The following FSTL5 variants were observed in gnomAD, a reference collection of about 807,000 sequenced individuals.
FSTL5 encodes the protein follistatin like 5.
Under a neutral mutation model 89.1 loss-of-function variants are expected in FSTL5, and 62 were observed. That is an observed-to-expected ratio of 0.70 (90% CI 0.57 to 0.86). FSTL5 has a LOEUF of 0.86. Among genes scored for constraint, FSTL5 ranks in the 40% least tolerant of loss-of-function variants. The pLI is 0.00. For missense variants in FSTL5, 1,057 were observed against 1,001.6 expected, an observed-to-expected ratio of 1.06 and a Z score of -0.75; for synonymous variants, 383 against 346.2, an observed-to-expected ratio of 1.11 and a Z score of -1.18.
intron 4 of FSTL5, among the ~76,000 whole-genome samples, chr4:161,854,881 A>G (rs971982073): frequency 5.3e-5 from 8 of 152,044 alleles, no homozygotes; most frequent in Non-Finnish European, 1.2e-4. Flanking sequence ...AGATTTTAAT[A>G]ATGTTAAAAA....
intron 2 of FSTL5, 85 bp from the exon 3 acceptor site, chr4:162,033,743 C>A: frequency 1.4e-6 from 1 of 707,828 alleles, no homozygotes; most frequent in Non-Finnish European, 2.3e-6. Flanking sequence ...ATAGAAGTAT[C>A]AAAATGATTT....
chr4:161,756,893 C>G (rs1455347867), intron 6 of FSTL5, among the ~76,000 whole-genome samples: 1 of 152,082 alleles, frequency 6.6e-6, no homozygotes, highest in East Asian at 1.9e-4. Context: ...GCTGGGTAAA[C>G]TATATACGAT....
At chr4:162,042,216 A>G (rs1305718170) in intron 2 of FSTL5, 2 of 152,096 alleles carry the variant, frequency 1.3e-5, no homozygotes, top group African/African-American at 2.4e-5. Context: ...AAATAATGGG[A>G]AAATATATTT....
chr4:161,906,199 C>A (rs2110812108), intron 4 of FSTL5, among the ~76,000 whole-genome samples: 1 of 152,142 alleles, frequency 6.6e-6, no homozygotes, highest in Admixed American at 6.5e-5. Context: ...GGAATCAAAT[C>A]TTCACTGATA....
At chr4:161,624,149 C>T (rs1735230875) in intron 7 of FSTL5, among the ~76,000 whole-genome samples, 1 of 152,078 alleles carries the variant, frequency 6.6e-6, no homozygotes, top group Non-Finnish European at 1.5e-5. Context: ...TAACAACAGC[C>T]ACTTTATTCA....
chr4:161,548,930 A>G (rs924237000), intron 8 of FSTL5, among the ~76,000 whole-genome samples: 14 of 152,052 alleles, frequency 9.2e-5, no homozygotes, highest in African/African-American at 3.1e-4. Flanking sequence ...CCTTTCCAAC[A>G]AAAATTAACA....
intron 2 of FSTL5, among the ~76,000 whole-genome samples, chr4:162,092,525 T>G (rs1320265758): frequency 6.6e-6 from 1 of 152,174 alleles, no homozygotes; most frequent in Admixed American, 6.6e-5. Flanking sequence ...CTGAATTACA[T>G]TCTTCAGAAT....
chr4:161,546,333 G>A (rs549953575), intron 8 of FSTL5, among the ~76,000 whole-genome samples: 3 of 149,112 alleles, frequency 2.0e-5, no homozygotes, highest in African/African-American at 7.3e-5. Flanking sequence ...TGAAGAGAGC[G>A]ATATTTGAAG....
In FSTL5 at chr4:161,587,563, C is replaced by A. The variant is rs1733660014; in HGVS notation, c.907G>T (p.Asp303Tyr). The A allele has an allele frequency of 3.7e-6, 6 of 1,606,360 alleles. No individual in the cohort carries two copies. The highest frequency in any genetic ancestry group is 5.1e-6 in the Non-Finnish European group (6 of 1,175,358). The stretch of plus-strand genomic sequence containing the variant: ...ACCTTAGTAATATACAAGGACCCAT[C>A]ATCTCCAAAGTCCTATTAAAAATAA... The part of the protein sequence containing the change: ...DLEDINDFGD[D>Y]GSLYITKVTT... Residue 303 changes from aspartate to tyrosine, a missense_variant, in exon 8 of 16, where the codon GAT (aspartate) becomes TAT (tyrosine). Coordinates refer to ENST00000306100, the MANE Select transcript of FSTL5 (RefSeq NM_020116.5).
At chr4:161,987,406 C>T (rs1026511844) in intron 3 of FSTL5, among the ~76,000 whole-genome samples, 1 of 149,880 alleles carries the variant, frequency 6.7e-6, no homozygotes. Flanking sequence ...AGAAAAAACT[C>T]TTCAACTACA....
At chr4:161,770,204 A>G (rs1741160398) in intron 5 of FSTL5, among the ~76,000 whole-genome samples, 1 of 152,066 alleles carries the variant, frequency 6.6e-6, no homozygotes, top group South Asian at 2.1e-4. Flanking sequence ...AATGGTGATT[A>G]CCACAGGTTG....
intron 4 of FSTL5, among the ~76,000 whole-genome samples, chr4:161,851,392 TCA>T (rs1279004630): frequency 6.6e-6 from 1 of 152,184 alleles, no homozygotes; most frequent in Non-Finnish European, 1.5e-5. Context: ...TTGTTTATTC[TCA>T]GTTGTGTCTG....
chr4:162,135,219 ATG>A (rs1430140964), intron 1 of FSTL5, among the ~76,000 whole-genome samples: 1 of 152,082 alleles, frequency 6.6e-6, no homozygotes, highest in African/African-American at 2.4e-5. Context: ...TAAACTCATT[ATG>A]TTTATCAAAC....
At chr4:161,686,604 C>T (rs140107342) in intron 6 of FSTL5, among the ~76,000 whole-genome samples, 100 of 151,442 alleles carry the variant, frequency 6.6e-4, no homozygotes, top group East Asian at 5.5e-3. Context: ...TCGTGATCTG[C>T]CCACCTTGGC....
chr4:161,617,848 T>C (rs1578971005), intron 7 of FSTL5, among the ~76,000 whole-genome samples: 1 of 152,218 alleles, frequency 6.6e-6, no homozygotes, highest in Non-Finnish European at 1.5e-5. Context: ...GAATGTACTG[T>C]CAGCTGGCCT....
chr4:161,753,203 C>A (rs1047702434), intron 6 of FSTL5, among the ~76,000 whole-genome samples: 1 of 152,106 alleles, frequency 6.6e-6, no homozygotes, highest in African/African-American at 2.4e-5. Context: ...CTACTTGAAC[C>A]ACAATATTCT....
At chr4:161,992,952 C>CTATA (rs150149211) in intron 3 of FSTL5, among the ~76,000 whole-genome samples, 1 of 7,476 alleles carries the variant, frequency 1.3e-4, no homozygotes, top group African/African-American at 3.7e-4. Flanking sequence ...GTGTGTATAT[C>CTATA]TATATATATA....
At chr4:161,989,578 T>C (rs1186120636) in intron 3 of FSTL5, among the ~76,000 whole-genome samples, 1 of 152,084 alleles carries the variant, frequency 6.6e-6, no homozygotes, top group Non-Finnish European at 1.5e-5. Context: ...TAAAAACAAA[T>C]GCGACTTTAT....
At chr4:161,660,953 C>A (rs1230890995) in intron 6 of FSTL5, among the ~76,000 whole-genome samples, 1 of 151,876 alleles carries the variant, frequency 6.6e-6, no homozygotes, top group Non-Finnish European at 1.5e-5. Flanking sequence ...GTGCATGTGT[C>A]TTTGTAATAG....
Sources: allele counts gnomAD v4.1 joint callset (sites outside exome capture counted in the v4.1 genomes callset), GRCh38; gene constraint gnomAD v4.1.1; transcripts MANE v1.5; gene names NCBI Gene and HGNC (gene_info 2026-07-23, HGNC 2026-07-21).